PPFIA2: variants seen among roughly 807,000 people sequenced by gnomAD.
PPFIA2 encodes the protein PPFI scaffold protein A2, also known as liprin-alpha-2.
In PPFIA2, 46 loss-of-function variants were observed where a neutral mutation model predicts 175.5. The observed-to-expected ratio is 0.26, with a 90% CI of 0.21 to 0.34. PPFIA2 has a LOEUF of 0.34. PPFIA2 is among the 10% of genes least tolerant of loss of function. PPFIA2 has a pLI of 1.00. For synonymous variants in PPFIA2, 568 were observed against 511.4 expected (o/e 1.11, Z -1.49); for missense variants, 1,179 against 1,506.1 (o/e 0.78, Z 3.60).
intron 5 of PPFIA2, among the ~76,000 whole-genome samples, chr12:81,451,701 C>T (rs1405862767): frequency 6.6e-6 from 1 of 151,914 alleles, no homozygotes; most frequent in Non-Finnish European, 1.5e-5. Context: ...ATCCCCAATA[C>T]CAAGGAAAAT....
At chr12:81,617,255 A>C (rs186512464) in intron 4 of PPFIA2, among the ~76,000 whole-genome samples, 2 of 152,248 alleles carry the variant, frequency 1.3e-5, no homozygotes, top group East Asian at 3.9e-4. Context: ...TCCCTTTCTT[A>C]ATTGTTTTTC....
chr12:81,612,370 T>C (rs1278429858), intron 4 of PPFIA2, among the ~76,000 whole-genome samples: 1 of 152,168 alleles, frequency 6.6e-6, no homozygotes, highest in African/African-American at 2.4e-5. Flanking sequence ...CAGCTACAGT[T>C]AGAGCAGAAA....
intron 5 of PPFIA2, among the ~76,000 whole-genome samples, chr12:81,450,612 T>C: frequency 6.6e-6 from 1 of 152,228 alleles, no homozygotes; most frequent in African/African-American, 2.4e-5. Context: ...TGATGGTATT[T>C]TCTTTTGCTG....
intron 4 of PPFIA2, among the ~76,000 whole-genome samples, chr12:81,585,710 C>T (rs1270522441): frequency 6.6e-6 from 1 of 151,858 alleles, no homozygotes; most frequent in East Asian, 1.9e-4. Flanking sequence ...AAGTACCTGC[C>T]TGAGACTATT....
At chr12:81,628,005 C>T (rs944639501) in intron 4 of PPFIA2, among the ~76,000 whole-genome samples, 4 of 151,964 alleles carry the variant, frequency 2.6e-5, no homozygotes, top group South Asian at 2.1e-4. Flanking sequence ...AATACAATAC[C>T]TAAGTATATG....
At chr12:81,515,780 A>G (rs1033727395) in intron 4 of PPFIA2, among the ~76,000 whole-genome samples, 2 of 152,084 alleles carry the variant, frequency 1.3e-5, no homozygotes, top group African/African-American at 4.8e-5. Context: ...GTCATTCTAC[A>G]TTCATTTTTC....
intron 3 of PPFIA2, among the ~76,000 whole-genome samples, chr12:81,723,084 A>C (rs901549565): frequency 6.6e-6 from 1 of 151,162 alleles, no homozygotes; most frequent in Non-Finnish European, 1.5e-5. Flanking sequence ...GCACAAGTGC[A>C]CATATTAAAG....
intron 4 of PPFIA2, among the ~76,000 whole-genome samples, chr12:81,525,576 A>G (rs1259535749): frequency 1.3e-5 from 2 of 152,080 alleles, no homozygotes; most frequent in Non-Finnish European, 2.9e-5. Flanking sequence ...GCTCCAGTTG[A>G]GGACTCAAAT....
At chr12:81,276,774 G>C (rs1246361956) in intron 28 of PPFIA2, among the ~76,000 whole-genome samples, 1 of 152,058 alleles carries the variant, frequency 6.6e-6, no homozygotes, top group Non-Finnish European at 1.5e-5. Context: ...AATTTACACT[G>C]TTCCTGATAA....
chr12:81,639,160 A>G (rs1369888739), intron 4 of PPFIA2, among the ~76,000 whole-genome samples: 1 of 152,160 alleles, frequency 6.6e-6, no homozygotes, highest in Non-Finnish European at 1.5e-5. Flanking sequence ...AATCTTGTTC[A>G]TCACTCAGTA....
chr12:81,569,123 T>C (rs2071962968), intron 4 of PPFIA2, among the ~76,000 whole-genome samples: 1 of 152,182 alleles, frequency 6.6e-6, no homozygotes, highest in Admixed American at 6.5e-5. Context: ...GATTTTTAAA[T>C]AATATTGCTG....
intron 3 of PPFIA2, among the ~76,000 whole-genome samples, chr12:81,739,087 T>C (rs913792805): frequency 6.6e-6 from 1 of 151,926 alleles, no homozygotes; most frequent in Non-Finnish European, 1.5e-5. Flanking sequence ...CCTCAAAATA[T>C]ATGCTAAAAA....
intron 4 of PPFIA2, among the ~76,000 whole-genome samples, chr12:81,574,532 G>T (rs562641187): frequency 6.6e-6 from 1 of 151,726 alleles, no homozygotes; most frequent in East Asian, 1.9e-4. Flanking sequence ...GTAAAAGATT[G>T]CATCCTTCTA....
intron 3 of PPFIA2, among the ~76,000 whole-genome samples, chr12:81,728,286 C>T (rs2080367850): frequency 6.6e-6 from 1 of 151,248 alleles, no homozygotes; most frequent in African/African-American, 2.4e-5. Flanking sequence ...TCTTATAGGG[C>T]TATTTAAAAT....
intron 5 of PPFIA2, among the ~76,000 whole-genome samples, chr12:81,446,367 G>A (rs1360138441): frequency 6.6e-6 from 1 of 152,124 alleles, no homozygotes; most frequent in Middle Eastern, 3.2e-3. Flanking sequence ...TGACAGAGGT[G>A]GAGGGAAAGT....
chr12:81,657,674 AACTGATGT>A (rs1195934536), intron 4 of PPFIA2, among the ~76,000 whole-genome samples: 1 of 152,230 alleles, frequency 6.6e-6, no homozygotes, highest in Non-Finnish European at 1.5e-5. Context: ...ATTAAATGCA[AACTGATGT>A]ACCTTAAACA....
At chr12:81,329,648 G>A (rs1237068690) in intron 21 of PPFIA2, among the ~76,000 whole-genome samples, 1 of 152,154 alleles carries the variant, frequency 6.6e-6, no homozygotes, top group Non-Finnish European at 1.5e-5. Context: ...GTCTCAGGAT[G>A]ACTCCATAGA....
intron 29 of PPFIA2, 78 bp from the exon 30 acceptor site, chr12:81,267,098 T>C: frequency 1.9e-6 from 2 of 1,043,196 alleles, no homozygotes; most frequent in Non-Finnish European, 2.9e-6. Flanking sequence ...ATTTATCTGA[T>C]AATGTATTAT....
intron 4 of PPFIA2, among the ~76,000 whole-genome samples, chr12:81,659,211 G>T (rs1159466348): frequency 1.3e-5 from 2 of 152,130 alleles, no homozygotes; most frequent in Non-Finnish European, 2.9e-5. Flanking sequence ...TTGTCAGACA[G>T]TGGGTGCAGG....
Sources: allele counts gnomAD v4.1 joint callset (sites outside exome capture counted in the v4.1 genomes callset), GRCh38; gene constraint gnomAD v4.1.1; transcripts MANE v1.5; gene names NCBI Gene and HGNC (gene_info 2026-07-23, HGNC 2026-07-21).